CA4: variants seen among roughly 807,000 people sequenced by gnomAD.
CA4 encodes carbonic anhydrase 4.
In CA4, 24 loss-of-function variants were observed where a neutral mutation model predicts 34.5. The observed-to-expected ratio is 0.70, with a 90% CI of 0.50 to 0.98. CA4 has a LOEUF of 0.98. Ranked by LOEUF, CA4 falls within the 50% of genes least tolerant of loss-of-function variation. The pLI is 0.00. For missense variants in CA4, 394 were observed against 396.7 expected, an observed-to-expected ratio of 0.99 and a Z score of 0.06; for synonymous variants, 178 against 170.6, an observed-to-expected ratio of 1.04 and a Z score of -0.34.
At chr17:60,155,612 ACACACTCAAACACT>A (rs1463901063) in intron 2 of CA4, among the ~76,000 whole-genome samples, 7 of 151,226 alleles carry the variant, frequency 4.6e-5, no homozygotes, top group Non-Finnish European at 7.4e-5. Flanking sequence ...ACACACAAGC[ACACACTCAAACACT>A]CACACTCACA....
chr17:60,167,015 T>G (rs58449832), intron 5 of CA4, among the ~76,000 whole-genome samples: 9,624 of 152,240 alleles, frequency 0.063, 1,088 homozygotes, highest in African/African-American at 0.22. Context: ...AACCCAGAAA[T>G]TCTGATACTT....
intron 5 of CA4, among the ~76,000 whole-genome samples, chr17:60,168,806 A>C (rs1396780418): frequency 6.6e-6 from 1 of 151,930 alleles, no homozygotes; most frequent in African/African-American, 2.4e-5. Flanking sequence ...CACTTGAGAT[A>C]CCCTCTGGAG....
chr17:60,164,602 G>A (rs1365119937), intron 5 of CA4, among the ~76,000 whole-genome samples: 1 of 152,102 alleles, frequency 6.6e-6, no homozygotes, highest in African/African-American at 2.4e-5. Context: ...TGTTGGCCAA[G>A]CTGGTCTCGA....
chr17:60,154,130 T>C (rs1016767068), intron 1 of CA4, among the ~76,000 whole-genome samples: 1 of 151,958 alleles, frequency 6.6e-6, no homozygotes, highest in African/African-American at 2.4e-5. Flanking sequence ...GTGGGAACCG[T>C]GCTTTTCTTA....
At chr17:60,167,939 C>T (rs2083871412) in intron 5 of CA4, among the ~76,000 whole-genome samples, 1 of 152,154 alleles carries the variant, frequency 6.6e-6, no homozygotes, top group Admixed American at 6.5e-5. Flanking sequence ...ACATCAGGAG[C>T]TGCTTACAAC....
chr17:60,155,539 T>A (rs1452891083), intron 2 of CA4, among the ~76,000 whole-genome samples, 172 bp downstream of exon 2: 283 of 141,650 alleles, frequency 2.0e-3, no homozygotes, highest in African/African-American at 6.4e-3. Flanking sequence ...TCTCTCTCTC[T>A]CACACACACA....
chr17:60,160,478 AG>A (rs576953919), downstream of CA4, among the ~76,000 whole-genome samples: 29 of 152,140 alleles, frequency 1.9e-4, no homozygotes, highest in South Asian at 5.8e-3. Flanking sequence ...AATTCAGGGC[AG>A]GGGGCCGGGC....
downstream of CA4, among the ~76,000 whole-genome samples, chr17:60,159,964 G>A (rs2083767020): frequency 6.6e-6 from 1 of 152,172 alleles, no homozygotes; most frequent in Non-Finnish European, 1.5e-5. Flanking sequence ...ACATGGTGAA[G>A]CCCTGTCTCT....
chr17:60,158,553 G>A (rs1362279904), intron 7 of CA4, 107 bp downstream of exon 7: 9 of 1,108,194 alleles, frequency 8.1e-6, no homozygotes, highest in African/African-American at 6.2e-5. Flanking sequence ...GGGAGCCCAG[G>A]TAACTGAAGT....
downstream of CA4, among the ~76,000 whole-genome samples, chr17:60,173,797 TG>T (rs775177165): frequency 3.7e-4 from 57 of 152,300 alleles, 2 homozygotes; most frequent in Non-Finnish European, 1.0e-4. Context: ...CTCATAAATC[TG>T]GGTGTAATAG....
intron 1 of CA4, among the ~76,000 whole-genome samples, chr17:60,151,862 G>A (rs2083597118): frequency 6.6e-6 from 1 of 152,182 alleles, no homozygotes; most frequent in African/African-American, 2.4e-5. Flanking sequence ...TGTCCATTGA[G>A]ACAAGAGGCC....
chr17:60,154,347 G>A (rs1403317889), intron 1 of CA4, among the ~76,000 whole-genome samples: 1 of 152,042 alleles, frequency 6.6e-6, no homozygotes, highest in Non-Finnish European at 1.5e-5. Flanking sequence ...TATGAGGTGG[G>A]TATGTTTGTC....
In CA4 at chr17:60,150,003, C is replaced by A; in HGVS notation, c.-32C>A. The A allele has an allele frequency of 6.3e-7, 1 of 1,590,254 alleles. No individual in the cohort carries two copies. Among genetic ancestry groups the A allele is most frequent in the South Asian group, 1.1e-5 (1 of 90,164 alleles). On this transcript the variant is annotated 5_prime_UTR_variant, in exon 1 of 8. Coordinates refer to ENST00000300900, the MANE Select transcript of CA4 (RefSeq NM_000717.5). ...CGGCGGCCTCCTCGGTGCGCGACCC[C>A]CGGCTCAGAGGACTCTTTGCTGTCC...
downstream of CA4, among the ~76,000 whole-genome samples, chr17:60,161,600 A>C (rs1213323618): frequency 2.7e-5 from 4 of 150,854 alleles, no homozygotes; most frequent in Non-Finnish European, 4.4e-5. Context: ...GCCTTCTCTC[A>C]CCCCGAGCCC....
intron 5 of CA4, among the ~76,000 whole-genome samples, chr17:60,170,290 C>T (rs148535970): frequency 6.6e-6 from 1 of 152,190 alleles, no homozygotes; most frequent in African/African-American, 2.4e-5. Context: ...CCCGGTCTGG[C>T]AGGGGGCCAG....
downstream of CA4, among the ~76,000 whole-genome samples, chr17:60,173,051 G>A (rs1204150768): frequency 6.6e-6 from 1 of 152,124 alleles, no homozygotes; most frequent in East Asian, 1.9e-4. Flanking sequence ...GCTGAGGCAG[G>A]AGAATTGCTT....
chr17:60,166,962 A>T (rs2083861742), intron 5 of CA4, among the ~76,000 whole-genome samples: 1 of 152,056 alleles, frequency 6.6e-6, no homozygotes, highest in Non-Finnish European at 1.5e-5. Flanking sequence ...ATCTCAAAAA[A>T]CAAAAAGAAA....
chr17:60,159,325 G>C lies in CA4; in HGVS notation c.840G>C (p.Thr280=). The change falls in exon 8 of 8, where the codon ACG becomes ACC. Residue 280 remains threonine, a synonymous_variant. Coordinates refer to ENST00000300900, the MANE Select transcript of CA4 (RefSeq NM_000717.5). ...CCCTGCAGCAGCTGGGGCAGCGCAC[G>C]GTGATAAAGTCCGGGGCCCCGGGTC... is the stretch of plus-strand genomic sequence containing the variant. The part of the protein sequence containing the change: ...VRPLQQLGQR[T]VIKSGAPGRP... 1 of 1,609,594 alleles carries C rather than the reference G, an allele frequency of 6.2e-7. No homozygotes were observed. Among genetic ancestry groups the C allele is most frequent in the South Asian group, 1.1e-5 (1 of 90,456 alleles).
chr17:60,158,319 A>G lies in CA4; in HGVS notation c.617A>G (p.Asp206Gly). The change falls in exon 7 of 8, where the codon GAC (aspartate) becomes GGC (glycine). Residue 206 changes from aspartate (D) to glycine (G), a missense_variant. Physicochemically the swap from Asp to Gly is moderately conservative, Grantham distance 94 (BLOSUM62 -1). Coordinates refer to ENST00000300900, the MANE Select transcript of CA4 (RefSeq NM_000717.5). ...ACGATGGCAGAGAGCAGCCTGTTGG[A>G]CCTGCTCCCCAAGGAGGAGAAACTG... Reference protein sequence around the residue: ...STTMAESSLLDLLPKEEKLRH... With the variant: ...STTMAESSLLGLLPKEEKLRH... 6.2e-7 allele frequency: 1 copy of G among 1,614,070 alleles called. No individual in the cohort carries two copies. Among genetic ancestry groups the G allele is most frequent in the South Asian group, 1.1e-5 (1 of 91,078 alleles).
Sources: allele counts gnomAD v4.1 joint callset (sites outside exome capture counted in the v4.1 genomes callset), GRCh38; gene constraint gnomAD v4.1.1; transcripts MANE v1.5; gene names NCBI Gene and HGNC (gene_info 2026-07-23, HGNC 2026-07-21).